The following TTC7A variants were observed in gnomAD, a reference collection of about 807,000 sequenced individuals.
TTC7A encodes tetratricopeptide repeat protein 7A.
A neutral mutation model predicts 103.7 loss-of-function variants in TTC7A; 110 were observed. The ratio of observed to expected loss-of-function variants is 1.06; its 90% CI spans 0.91 to 1.24. The LOEUF is 1.24. Ranked by LOEUF, TTC7A falls within the 50% of genes most tolerant of loss-of-function variation. The pLI, the probability that TTC7A is intolerant of heterozygous loss-of-function variation, is 0.00. For missense variants in TTC7A, 1,340 were observed against 1,116.3 expected (o/e 1.20, Z -2.86); for synonymous variants, 521 against 467.9 (o/e 1.11, Z -1.47).
At position 47,068,965 on chromosome 2, in the gene TTC7A, C is replaced by T. The variant is rs545519697; in HGVS notation, c.2356-4737C>T. Among the ~76,000 whole-genome samples the T allele has an allele frequency of 5.3e-5, 8 of 151,716 alleles. No individual in the cohort carries two copies. The South Asian group carries it at 6.3e-4, about 12-fold the overall frequency. On this transcript the variant is annotated intron_variant, in intron 19 of 19. Transcript: ENST00000319190. Reference sequence around the variant, plus strand: ...CCAGCAGCCCCCTCCCCAAACTGTCCTTTACTGTGCCTTTGGCTGTACCTC... The same window carrying T: ...CCAGCAGCCCCCTCCCCAAACTGTCTTTTACTGTGCCTTTGGCTGTACCTC...
chr2:46,994,376 C>T lies in TTC7A; in HGVS notation c.863C>T (p.Ala288Val), dbSNP rs747695657. ...NFKVMAAKHLAGVLLHSLSEE... is the reference protein window; with the variant it reads ...NFKVMAAKHLVGVLLHSLSEE... ...TGCCAGATGGCGGCCAAGCACCTGGCGGGGGTCCTGCTGCACTCCCTGAGT... is the reference window on the plus strand; with the variant it reads ...TGCCAGATGGCGGCCAAGCACCTGGTGGGGGTCCTGCTGCACTCCCTGAGT... Residue 288 changes from alanine (A) to valine (V), a missense_variant, in exon 7 of 20, where the codon GCG (alanine) becomes GTG (valine). Coordinates refer to ENST00000319190, the MANE Select transcript of TTC7A (RefSeq NM_020458.4). 130 of 1,612,822 alleles carry T rather than the reference C, an allele frequency of 8.1e-5. No individual in the cohort carries two copies. Among genetic ancestry groups the T allele is most frequent in the Middle Eastern group, 1.7e-4 (1 of 6,056 alleles).
At chr2:46,940,434 G>A (rs991074196), upstream of TTC7A, among the ~76,000 whole-genome samples, 6 of 152,152 alleles carry the variant, frequency 3.9e-5, no homozygotes, top group Non-Finnish European at 7.4e-5. The surrounding 1 kb of genome is among the most constrained non-coding windows in gnomAD (Gnocchi z 4.7). Flanking sequence ...CCCCCCAAGG[G>A]TGGACCTCGG....
intron 3 of TTC7A, chr2:46,958,347 C>A: frequency 1.9e-6 from 1 of 519,898 alleles, no homozygotes. Context: ...CTGCATTTGG[C>A]ATTTGGGTCT....
intron 19 of TTC7A, among the ~76,000 whole-genome samples, chr2:47,063,182 G>C (rs1257777008): frequency 6.6e-6 from 1 of 152,186 alleles, no homozygotes; most frequent in African/African-American, 2.4e-5. Flanking sequence ...GATCCACTTG[G>C]GGGACTTAGG....
chr2:47,071,430 C>G (rs971394200), intron 19 of TTC7A, among the ~76,000 whole-genome samples: 41 of 152,172 alleles, frequency 2.7e-4, no homozygotes, highest in African/African-American at 9.7e-4. Flanking sequence ...CACCCGCTCC[C>G]CACCTGGAAG....
rs199740872 is a variant in TTC7A, at chr2:47,005,948, G to A, written c.1092G>A (p.Arg364=). The change falls in exon 9 of 20, where the codon CGG becomes CGA. Residue 364 remains arginine (R), a synonymous_variant. Transcript: ENST00000319190. ...CAACTCGAGATGTGGTGCTGAGCCG[G>A]GTGCCGGAGCAGGAGGAGGACCGGA... is the stretch of plus-strand genomic sequence containing the variant. The part of the protein sequence containing the change: ...SMATRDVVLS[R]VPEQEEDRTV... The A allele has an allele frequency of 1.2e-6, 2 of 1,614,076 alleles. No individual in the cohort carries two copies. Among genetic ancestry groups the A allele is most frequent in the African/African-American group, 1.3e-5 (1 of 75,018 alleles).
At chr2:47,047,289 T>G in intron 16 of TTC7A, 2 of 1,549,970 alleles carry the variant, frequency 1.3e-6, no homozygotes, top group Non-Finnish European at 1.7e-6. Context: ...CCAGAAGGCT[T>G]CCAGACTCCC....
chr2:47,067,100 C>T (rs912548055), intron 19 of TTC7A, among the ~76,000 whole-genome samples: 2 of 152,198 alleles, frequency 1.3e-5, no homozygotes, highest in African/African-American at 4.8e-5. Context: ...AGGGCAAAGC[C>T]CGCCTGACCT....
chr2:46,984,949 G>A (rs1375819842), intron 5 of TTC7A, among the ~76,000 whole-genome samples: 1 of 152,156 alleles, frequency 6.6e-6, no homozygotes, highest in African/African-American at 2.4e-5. Flanking sequence ...GATGCACGGT[G>A]CGCTGACTCC....
chr2:46,983,230 A>C (rs1400064084), intron 5 of TTC7A, among the ~76,000 whole-genome samples: 11 of 152,214 alleles, frequency 7.2e-5, no homozygotes, highest in Non-Finnish European at 1.3e-4. Flanking sequence ...AGGGCCTGCC[A>C]TGGAGTCCTG....
chr2:46,996,185 ATGGAC>A (rs1489441731), intron 8 of TTC7A, among the ~76,000 whole-genome samples: 1 of 152,200 alleles, frequency 6.6e-6, no homozygotes, highest in Non-Finnish European at 1.5e-5. Flanking sequence ...AAGATGAAGG[ATGGAC>A]TGGACTGGTC....
chr2:47,071,175 C>A (rs954558347), intron 19 of TTC7A: 5 of 152,322 alleles, frequency 3.3e-5, no homozygotes, highest in Admixed American at 6.5e-5. Flanking sequence ...GCCCAGTTGT[C>A]AGGCAGCAAA....
At chr2:47,045,923 TGTAAGCCTG>T (rs1406569944) in intron 15 of TTC7A, among the ~76,000 whole-genome samples, 2 of 152,070 alleles carry the variant, frequency 1.3e-5, no homozygotes, top group Admixed American at 1.3e-4. Context: ...GGAATGTGAG[TGTAAGCCTG>T]GTCCCACGAT....
At position 47,074,066 on chromosome 2, in the gene TTC7A, C is replaced by T. The variant is rs755024774; in HGVS notation, c.*143C>T. The T allele has an allele frequency of 1.4e-5, 9 of 653,062 alleles. No individual in the cohort carries two copies. Among genetic ancestry groups the T allele is most frequent in the South Asian group, 9.7e-5 (5 of 51,724 alleles). The allele number at this position is 653,062 out of a possible 1,614,324, so 40.5% of individuals were successfully genotyped here. A position where few individuals can be genotyped will look rare whatever the true frequency, so the allele number is the denominator to read the frequency against. On this transcript the variant is annotated 3_prime_UTR_variant, in exon 20 of 20. Coordinates refer to ENST00000319190, the MANE Select transcript of TTC7A (RefSeq NM_020458.4). The stretch of plus-strand genomic sequence containing the variant: ...TGAACGCCTCTGCAGCTGCAGCCCT[C>T]GTTCTCTTGGCTGGGCCAAGAGGGC...
Position 47,051,811 on chromosome 2 carries a change from C to A in TTC7A, c.2083C>A (p.Pro695Thr). ...LEEAMSELTM[P>T]SSVLKQGPMQ... The stretch of plus-strand genomic sequence containing the variant: ...GGAGGCCATGTCAGAGCTGACTATG[C>A]CCTCTTCGGTCCTGAAGCAGGGCCC... Residue 695 changes from proline (P) to threonine (T), a missense_variant, in exon 18 of 20, where the codon CCC becomes ACC. Pro to Thr is a conservative substitution (Grantham distance 38, BLOSUM62 -1). Coordinates refer to ENST00000319190, the MANE Select transcript of TTC7A (RefSeq NM_020458.4). 6.2e-7 allele frequency: 1 copy of A among 1,612,064 alleles called. No individual in the cohort carries two copies. Among genetic ancestry groups the A allele is most frequent in the African/African-American group, 1.3e-5 (1 of 75,012 alleles).
intron 15 of TTC7A, among the ~76,000 whole-genome samples, chr2:47,039,216 A>G (rs1681478785): frequency 6.6e-6 from 1 of 152,208 alleles, no homozygotes; most frequent in Non-Finnish European, 1.5e-5. Context: ...TCAACAGGGA[A>G]GTGGCTCCCT....
At chr2:46,998,490 C>T (rs1676455020) in intron 8 of TTC7A, among the ~76,000 whole-genome samples, 2 of 152,172 alleles carry the variant, frequency 1.3e-5, no homozygotes, top group Admixed American at 1.3e-4. Flanking sequence ...CAGCTGAACC[C>T]CAAGGCTCCA....
At chr2:46,925,535 G>A (rs1669344048) in intron 2 of TTC7A, among the ~76,000 whole-genome samples, 1 of 152,060 alleles carries the variant, frequency 6.6e-6, no homozygotes, top group Non-Finnish European at 1.5e-5. Flanking sequence ...TCCAGCCTGG[G>A]CAACAAAGTG....
intron 8 of TTC7A, chr2:46,999,992 A>G (rs961511716): frequency 2.4e-6 from 2 of 833,262 alleles, no homozygotes; most frequent in African/African-American, 1.8e-5. Flanking sequence ...ACCATTCACA[A>G]TCTGTGTGGC....
Sources: allele counts gnomAD v4.1 joint callset (sites outside exome capture counted in the v4.1 genomes callset), GRCh38; gene constraint gnomAD v4.1.1; non-coding constraint Gnocchi (gnomAD v3.1); transcripts MANE v1.5; gene names NCBI Gene and HGNC (gene_info 2026-07-23, HGNC 2026-07-21).